ERBIN: variants seen among roughly 807,000 people sequenced by gnomAD.
ERBIN encodes densin-180-like protein.
ERBIN carries 60 observed loss-of-function variants against 158.4 expected under a neutral mutation model. The observed-to-expected ratio is 0.38, with a 90% CI of 0.31 to 0.47. ERBIN has a LOEUF of 0.47. Ranked by LOEUF, ERBIN falls within the 20% of genes least tolerant of loss-of-function variation. The pLI, the probability that ERBIN is intolerant of heterozygous loss-of-function variation, is 0.99. For missense variants in ERBIN, 1,610 were observed against 1,648.0 expected, an observed-to-expected ratio of 0.98 and a Z score of 0.40; for synonymous variants, 594 against 557.2, an observed-to-expected ratio of 1.07 and a Z score of -0.93.
intron 1 of ERBIN, among the ~76,000 whole-genome samples, chr5:65,982,080 A>G (rs1384136817): frequency 2.0e-5 from 3 of 152,236 alleles, no homozygotes; most frequent in African/African-American, 4.8e-5. Context: ...CCAGAAAACA[A>G]TACCTTTAGA....
chr5:65,979,822 A>G (rs1750452143), intron 1 of ERBIN, among the ~76,000 whole-genome samples: 1 of 152,260 alleles, frequency 6.6e-6, no homozygotes, highest in Admixed American at 6.5e-5. Context: ...TATATCGATG[A>G]CAGTGGATAG....
intron 1 of ERBIN, among the ~76,000 whole-genome samples, chr5:65,941,968 C>A (rs898417446): frequency 6.6e-6 from 1 of 152,150 alleles, no homozygotes; most frequent in Admixed American, 6.5e-5. Flanking sequence ...TCTCGATCTC[C>A]TGACCTCGTG....
At chr5:65,954,386 G>A (rs1291937124) in intron 1 of ERBIN, among the ~76,000 whole-genome samples, 2 of 152,192 alleles carry the variant, frequency 1.3e-5, no homozygotes, top group South Asian at 4.1e-4. Flanking sequence ...TGTTGTGCAA[G>A]AGATGAGAGT....
Position 66,044,122 on chromosome 5 carries a change from ATT to A in ERBIN, c.1429-12_1429-11del. On this transcript the variant is annotated splice_polypyrimidine_tract_variant and intron_variant, in intron 16 of 25. Coordinates refer to ENST00000284037, the MANE Select transcript of ERBIN (RefSeq NM_001253697.2). ...AATATTTGTACTTCATATTTTACTTATTTTATTTCTCTAGGAGGGAAATTTAA... is the reference window on the plus strand; with the variant it reads ...AATATTTGTACTTCATATTTTACTTATTATTTCTCTAGGAGGGAAATTTAA... 1 of 1,512,788 alleles carries A rather than the reference ATT, an allele frequency of 6.6e-7. No individual in the cohort carries two copies. 93.7% of individuals were successfully genotyped at this position (1,512,788 alleles called of 1,614,324 possible). A position where few individuals can be genotyped will look rare whatever the true frequency, so the allele number is the denominator to read the frequency against.
rs572338590 is a variant in ERBIN at position 66,070,734 on chromosome 5, A to G, written c.3634-1435A>G. The stretch of plus-strand genomic sequence containing the variant: ...TCATTGCATAAATACACAAAATTAG[A>G]TCACGTCTAAAAATTCTAAGCCATG... On this transcript the variant is annotated intron_variant, in intron 21 of 25. Coordinates refer to ENST00000284037, the MANE Select transcript of ERBIN (RefSeq NM_001253697.2). Among the ~76,000 whole-genome samples the G allele has an allele frequency of 1.1e-4, 17 of 152,344 alleles. 1 individual carries two copies. The South Asian group carries it at 3.5e-3, about 32-fold the overall frequency.
Position 65,992,688 on chromosome 5 carries a change from T to C in ERBIN, c.-9-22T>C, listed in dbSNP as rs540028880. 333 of 1,537,740 alleles carry C rather than the reference T, an allele frequency of 2.2e-4. 2 individuals are homozygous for C. The Admixed American group carries it at 6.9e-3, about 32-fold the overall frequency. Reference sequence around the variant, plus strand: ...CGTTGTAATATGTATGTTTTAAATTTCTTTTTATTCGAATATTGCAGTGTC... The same window carrying C: ...CGTTGTAATATGTATGTTTTAAATTCCTTTTTATTCGAATATTGCAGTGTC... On this transcript the variant is annotated intron_variant, in intron 2 of 25. Coordinates refer to ENST00000284037, the MANE Select transcript of ERBIN (RefSeq NM_001253697.2).
rs1448203813 is a variant in ERBIN, at chr5:65,996,054, C to A, written c.307+1190C>A. ...AGCTTGCAAACATTTTCTCCCACTC[C>A]ATAATCTGTTTCTTCACTCTGTTGT... On this transcript the variant is annotated intron_variant, in intron 4 of 25. Coordinates refer to ENST00000284037, the MANE Select transcript of ERBIN (RefSeq NM_001253697.2). Among the ~76,000 whole-genome samples, 3 of 152,082 alleles carry A rather than the reference C, an allele frequency of 2.0e-5. No individual in the cohort carries two copies. The East Asian group carries it at 5.8e-4, about 29-fold the overall frequency.
At chr5:66,030,806 A>T (rs894938885) in intron 14 of ERBIN, among the ~76,000 whole-genome samples, 2 of 151,826 alleles carry the variant, frequency 1.3e-5, no homozygotes, top group Admixed American at 6.6e-5. Flanking sequence ...CCTGGACTCA[A>T]GCCATCCCCC....
intron 8 of ERBIN, 106 bp from the exon 9 acceptor site, chr5:66,023,184 A>T (rs994515001): frequency 2.6e-6 from 2 of 782,864 alleles, no homozygotes; most frequent in African/African-American, 1.8e-5. Flanking sequence ...TTATTTAATG[A>T]TTTGAAACTA....
At position 65,958,780 on chromosome 5, in the gene ERBIN, TAC is replaced by T. The variant is rs1200251790; in HGVS notation, c.-57-29853_-57-29852del. Among the ~76,000 whole-genome samples the T allele has an allele frequency of 5.3e-5, 8 of 152,206 alleles. No individual in the cohort carries two copies. The South Asian group carries it at 1.4e-3, about 28-fold the overall frequency. On this transcript the variant is annotated intron_variant, in intron 1 of 25. Coordinates refer to ENST00000284037, the MANE Select transcript of ERBIN (RefSeq NM_001253697.2). ...CAACCATTCAGTTTTTCACTTTCAATACAGTGTTTGGTAGAGTACATGATGTG... is the reference window on the plus strand; with the variant it reads ...CAACCATTCAGTTTTTCACTTTCAATAGTGTTTGGTAGAGTACATGATGTG...
chr5:65,952,937 A>G (rs1413787199), intron 1 of ERBIN, among the ~76,000 whole-genome samples: 1 of 152,310 alleles, frequency 6.6e-6, no homozygotes, highest in East Asian at 1.9e-4. Flanking sequence ...TTATAAATCA[A>G]TCTTAAAAAA....
intron 1 of ERBIN, among the ~76,000 whole-genome samples, chr5:65,965,157 C>T (rs1355693131): frequency 1.6e-5 from 1 of 62,034 alleles, no homozygotes; most frequent in Admixed American, 1.4e-4. Context: ...AATGAATTCT[C>T]ATTGTGATTA....
chr5:65,947,427 T>C (rs1308549149), intron 1 of ERBIN, among the ~76,000 whole-genome samples: 8 of 152,110 alleles, frequency 5.3e-5, no homozygotes, highest in Admixed American at 5.2e-4. Flanking sequence ...TCATTTAAAA[T>C]AGGATCCCTG....
At chr5:66,066,431 C>A (rs1760996277) in intron 21 of ERBIN, among the ~76,000 whole-genome samples, 1 of 151,682 alleles carries the variant, frequency 6.6e-6, no homozygotes, top group Non-Finnish European at 1.5e-5. Context: ...CTACTTTACT[C>A]AGCTGAGAGT....
intron 5 of ERBIN, 133 bp from the exon 6 acceptor site, chr5:66,013,416 C>T (rs1754409984): frequency 4.4e-6 from 3 of 682,620 alleles, no homozygotes; most frequent in Non-Finnish European, 7.8e-6. Flanking sequence ...AAGGGGCTCT[C>T]ATAAAAGTAG....
At chr5:66,048,249 T>G (rs1758648166) in intron 18 of ERBIN, among the ~76,000 whole-genome samples, 1 of 151,892 alleles carries the variant, frequency 6.6e-6, no homozygotes, top group South Asian at 2.1e-4. Flanking sequence ...GGGCCCTGAT[T>G]ACGAGGCTCT....
chr5:65,989,075 A>G (rs1215091947), intron 2 of ERBIN, among the ~76,000 whole-genome samples: 2 of 143,492 alleles, frequency 1.4e-5, no homozygotes, highest in Non-Finnish European at 3.0e-5. Flanking sequence ...TCTTATGTCT[A>G]CAGTGTTACT....
intron 7 of ERBIN, among the ~76,000 whole-genome samples, chr5:66,017,384 T>G (rs1224134227): frequency 6.6e-6 from 1 of 152,172 alleles, no homozygotes; most frequent in Non-Finnish European, 1.5e-5. Context: ...TAAGCCATTT[T>G]AACTAGGGCA....
At chr5:65,947,484 A>G (rs1036639222) in intron 1 of ERBIN, among the ~76,000 whole-genome samples, 4 of 152,194 alleles carry the variant, frequency 2.6e-5, no homozygotes, top group Non-Finnish European at 5.9e-5. Flanking sequence ...CTCCTTACAG[A>G]TGAGATTTGA....
Sources: gnomAD v4.1 joint callset for allele counts (sites outside exome capture counted in the v4.1 genomes callset) on GRCh38, gnomAD v4.1.1 for gene constraint, MANE v1.5 for transcripts, NCBI Gene and HGNC (gene_info 2026-07-23, HGNC 2026-07-21) for gene names.